The following DEUP1 variants were observed in gnomAD, a reference collection of about 807,000 sequenced individuals.
The protein encoded by DEUP1 is deuterosome assembly protein 1.
DEUP1 carries 82 observed loss-of-function variants against 87.4 expected under a neutral mutation model. The observed-to-expected ratio is 0.94, with a 90% confidence interval of 0.78 to 1.13. The LOEUF (loss-of-function observed/expected upper bound fraction) is 1.13, where lower values mean the gene tolerates loss of function less well. Ranked by LOEUF, DEUP1 falls within the 50% of genes most tolerant of loss-of-function variation. The probability of loss-of-function intolerance (pLI) is 0.00; values close to 1 mark genes in which losing one functional copy is unlikely to be tolerated. For synonymous variants in DEUP1, 214 were observed against 222.7 expected (o/e 0.96, Z 0.35); for missense variants, 663 against 681.5 (o/e 0.97, Z 0.30).
At chr11:93,397,790 A>C (rs1173825828) in intron 11 of DEUP1, among the ~76,000 whole-genome samples, 1 of 152,192 alleles carries the variant, frequency 6.6e-6, no homozygotes, top group Non-Finnish European at 1.5e-5. Flanking sequence ...TTACAGAAAT[A>C]AATGTATAAT....
rs937678501 is a variant in DEUP1 at position 93,385,514 on chromosome 11, G to T, written c.906G>T (p.Glu302Asp). 4 of 1,607,660 alleles carry T rather than the reference G, an allele frequency of 2.5e-6. No individual in the cohort carries two copies. The highest frequency in any genetic ancestry group is 3.4e-6 in the Non-Finnish European group (4 of 1,177,942). ...QLHRELLKIG[E>D]CQNAQGNKTR... ...ACAGAGAATTATTAAAAATAGGAGA[G>T]TGCCAAAATGCTCAAGGAAATAAAA... is the stretch of plus-strand genomic sequence containing the variant. The change falls in exon 8 of 14, where the codon GAG becomes GAT. Residue 302 changes from glutamate (E) to aspartate (D), a missense_variant. Transcript: ENST00000298050.
rs779797451 is a variant in DEUP1 at position 93,385,502 on chromosome 11, A to C, written c.894A>C (p.Leu298Phe). 2.5e-6 allele frequency: 4 copies of C among 1,610,872 alleles called. No individual in the cohort carries two copies. The African/African-American group carries it at 5.3e-5, about 22-fold the overall frequency. The change falls in exon 8 of 14, where the codon TTA becomes TTC. Residue 298 changes from leucine to phenylalanine, a missense_variant. Physicochemically the swap from Leu to Phe is conservative, Grantham distance 22. Transcript: ENST00000298050. Reference protein sequence around the residue: ...MERLQLHRELLKIGECQNAQG... With the variant: ...MERLQLHRELFKIGECQNAQG... Reference sequence around the variant, plus strand: ...GATTGCAATTACACAGAGAATTATTAAAAATAGGAGAGTGCCAAAATGCTC... The same window carrying C: ...GATTGCAATTACACAGAGAATTATTCAAAATAGGAGAGTGCCAAAATGCTC...
intron 12 of DEUP1, 65 bp from the exon 13 acceptor site, chr11:93,414,935 C>A: frequency 1.1e-6 from 1 of 892,818 alleles, no homozygotes; most frequent in Non-Finnish European, 1.6e-6. Context: ...AGATTAAAAT[C>A]CTTAGCTACA....
chr11:93,369,467 T>C (rs1036308410), intron 5 of DEUP1, among the ~76,000 whole-genome samples: 2 of 149,982 alleles, frequency 1.3e-5, no homozygotes, highest in African/African-American at 2.5e-5. Flanking sequence ...AAAAAAAAAG[T>C]TGTTTGAAAT....
chr11:93,431,980 A>G (rs1336770266), intron 13 of DEUP1, among the ~76,000 whole-genome samples: 6 of 152,238 alleles, frequency 3.9e-5, no homozygotes, highest in Non-Finnish European at 5.9e-5. Context: ...CGTAGACATT[A>G]AATAGTCAAT....
At chr11:93,336,688 T>C (rs1438323821) in intron 2 of DEUP1, among the ~76,000 whole-genome samples, 1 of 152,194 alleles carries the variant, frequency 6.6e-6, no homozygotes, top group Non-Finnish European at 1.5e-5. Context: ...GTCCAGAGCC[T>C]TTCTGTTTTA....
At chr11:93,348,749 C>T (rs887462920) in intron 2 of DEUP1, among the ~76,000 whole-genome samples, 8 of 152,186 alleles carry the variant, frequency 5.3e-5, no homozygotes. Context: ...TCCTGAATCC[C>T]AGTTTGTCCA....
intron 4 of DEUP1, chr11:93,357,551 T>A (rs1038580328): frequency 6.6e-6 from 1 of 152,596 alleles, no homozygotes; most frequent in African/African-American, 2.4e-5. Context: ...TCTTTTTCAC[T>A]TATCCCTGTA....
At position 93,345,605 on chromosome 11, in the gene DEUP1, A is replaced by T. The variant is rs139638972; in HGVS notation, c.30-9766A>T. Among the ~76,000 whole-genome samples the T allele has an allele frequency of 1.2e-4, 19 of 152,270 alleles. No individual in the cohort carries two copies. The East Asian group carries it at 3.1e-3, about 25-fold the overall frequency. ...TGGTGTTAACTGACATTTCTCTAAC[A>T]ATCAGTAATGTTGAGCCTTTTTTCA... On this transcript the variant is annotated intron_variant, in intron 2 of 13. Transcript: ENST00000298050.
chr11:93,390,771 C>G (rs1269426412), intron 9 of DEUP1, among the ~76,000 whole-genome samples: 1 of 152,060 alleles, frequency 6.6e-6, no homozygotes, highest in Admixed American at 6.6e-5. Flanking sequence ...AAAAAGGTAA[C>G]AAATGAATTT....
At chr11:93,388,931 A>G (rs1468934971) in intron 8 of DEUP1, 89 bp from the exon 9 acceptor site, 5 of 719,760 alleles carry the variant, frequency 6.9e-6, no homozygotes, top group East Asian at 2.9e-5. Flanking sequence ...CTATCTCCGC[A>G]GCCTGTAATG....
chr11:93,377,468 A>G (rs2134293363), intron 7 of DEUP1, among the ~76,000 whole-genome samples: 1 of 152,190 alleles, frequency 6.6e-6, no homozygotes, highest in African/African-American at 2.4e-5. Context: ...TGCATGGAAT[A>G]TCTTTGTCTG....
At chr11:93,365,052 A>G (rs543857883) in intron 5 of DEUP1, among the ~76,000 whole-genome samples, 1 of 152,048 alleles carries the variant, frequency 6.6e-6, no homozygotes, top group East Asian at 1.9e-4. Flanking sequence ...CCCAATTATT[A>G]TTTTTTAATT....
intron 7 of DEUP1, among the ~76,000 whole-genome samples, chr11:93,373,625 G>GTATATATATATATA (rs1555048258): frequency 1.2e-4 from 8 of 67,006 alleles, no homozygotes; most frequent in South Asian, 7.0e-4. Context: ...ATATATATAC[G>GTATATATATATATA]TATATATATA....
intron 13 of DEUP1, among the ~76,000 whole-genome samples, chr11:93,419,133 GTAAC>G (rs1203450369): frequency 2.0e-5 from 3 of 151,294 alleles, no homozygotes; most frequent in Admixed American, 6.6e-5. Flanking sequence ...GTATACATAT[GTAAC>G]TAACCTGCAC....
intron 7 of DEUP1, among the ~76,000 whole-genome samples, chr11:93,377,509 A>G (rs1484925778): frequency 6.6e-6 from 1 of 151,890 alleles, no homozygotes; most frequent in Non-Finnish European, 1.5e-5. Context: ...GTGAGTCCTT[A>G]TGTGTCAGGT....
chr11:93,385,899 T>A (rs189142388), intron 8 of DEUP1, among the ~76,000 whole-genome samples: 57 of 151,948 alleles, frequency 3.8e-4, no homozygotes, highest in African/African-American at 1.3e-3. Context: ...CAAAAAAATT[T>A]TTTATTACCT....
intron 11 of DEUP1, among the ~76,000 whole-genome samples, chr11:93,397,677 A>C (rs1477435810): frequency 1.3e-5 from 2 of 152,160 alleles, no homozygotes; most frequent in South Asian, 4.1e-4. Flanking sequence ...ACCCTATCCC[A>C]ATCCAAAGCT....
intron 9 of DEUP1, among the ~76,000 whole-genome samples, chr11:93,392,563 T>C (rs564894434): frequency 1.3e-5 from 2 of 152,238 alleles, no homozygotes; most frequent in Non-Finnish European, 2.9e-5. Flanking sequence ...TTAAACAACA[T>C]TTATTATATT....
Sources: gnomAD v4.1 joint callset for allele counts (sites outside exome capture counted in the v4.1 genomes callset) on GRCh38, gnomAD v4.1.1 for gene constraint, MANE v1.5 for transcripts, NCBI Gene and HGNC (gene_info 2026-07-23, HGNC 2026-07-21) for gene names.